RPS6KA2: variants seen among roughly 807,000 people sequenced by gnomAD.
The protein encoded by RPS6KA2 is ribosomal protein S6 kinase A2.
In RPS6KA2, 42 loss-of-function variants were observed where a neutral mutation model predicts 91.8. The ratio of observed to expected loss-of-function variants is 0.46; its 90% confidence interval spans 0.36 to 0.59. RPS6KA2 has a LOEUF of 0.59. Ranked by LOEUF, RPS6KA2 falls within the 20% of genes least tolerant of loss-of-function variation. The pLI is 0.00. For missense variants in RPS6KA2, 798 were observed against 978.5 expected (o/e 0.82, Z 2.46); for synonymous variants, 414 against 393.6 (o/e 1.05, Z -0.61).
intron 3 of RPS6KA2, among the ~76,000 whole-genome samples, chr6:166,523,272 T>C (rs1327379472): frequency 6.6e-6 from 1 of 152,218 alleles, no homozygotes; most frequent in Non-Finnish European, 1.5e-5. Flanking sequence ...AAAGATGGCT[T>C]AAGGAGGAGA....
intron 2 of RPS6KA2, among the ~76,000 whole-genome samples, chr6:166,740,480 A>G (rs1790779387): frequency 3.9e-5 from 6 of 152,248 alleles, no homozygotes; most frequent in Admixed American, 3.9e-4. Context: ...TATTCCATAT[A>G]CAAAATCAAA....
intron 2 of RPS6KA2, among the ~76,000 whole-genome samples, chr6:166,667,926 C>T (rs1193083345): frequency 1.3e-5 from 2 of 152,202 alleles, no homozygotes; most frequent in East Asian, 3.9e-4. Context: ...GAGTTCCTGC[C>T]TGCGTCGTTG....
In RPS6KA2 at chr6:166,469,528, G is replaced by A. The variant is rs536023417; in HGVS notation, c.972+313C>T. 3.7e-4 allele frequency among the ~76,000 whole-genome samples: 57 copies of A among 152,188 alleles called. No individual in the cohort carries two copies. The East Asian group carries it at 4.3e-3, about 11-fold the overall frequency. On this transcript the variant is annotated intron_variant, in intron 11 of 20. Coordinates refer to ENST00000265678, the MANE Select transcript of RPS6KA2 (RefSeq NM_021135.6). ...GAGCAATCGGGAATATGCAGGGCTCGGAGAGGCCGGGGAGTGGGTGCAGGG... is the reference window on the plus strand; with the variant it reads ...GAGCAATCGGGAATATGCAGGGCTCAGAGAGGCCGGGGAGTGGGTGCAGGG...
chr6:166,610,335 G>A (rs1378841799), intron 1 of RPS6KA2, among the ~76,000 whole-genome samples: 1 of 152,146 alleles, frequency 6.6e-6, no homozygotes, highest in Non-Finnish European at 1.5e-5. Flanking sequence ...ACCAACATAG[G>A]CCTTGGCAGC....
chr6:166,436,315 G>GAAA (rs397827258), intron 14 of RPS6KA2, among the ~76,000 whole-genome samples: 8 of 73,844 alleles, frequency 1.1e-4, no homozygotes, highest in Non-Finnish European at 1.0e-4. Flanking sequence ...TAAAGCCCCA[G>GAAA]AAAAAAAAAA....
chr6:166,623,386 C>G (rs1786716825), intron 1 of RPS6KA2, among the ~76,000 whole-genome samples: 2 of 152,188 alleles, frequency 1.3e-5, no homozygotes, highest in African/African-American at 4.8e-5. Context: ...GGAGAAGATT[C>G]CTTTCAGCTC....
upstream of RPS6KA2, among the ~76,000 whole-genome samples, chr6:166,632,228 A>ATG (rs1787100882): frequency 6.6e-6 from 1 of 152,162 alleles, no homozygotes; most frequent in Non-Finnish European, 1.5e-5. Context: ...GCAGGTAGCT[A>ATG]TGTGAGATGA....
intron 2 of RPS6KA2, among the ~76,000 whole-genome samples, chr6:166,774,717 T>A (rs1196511021): frequency 4.6e-5 from 7 of 152,162 alleles, no homozygotes; most frequent in Non-Finnish European, 7.3e-5. Context: ...CTGGCCCATA[T>A]TGGGCTCCCA....
rs1036001602 is a variant in RPS6KA2, at chr6:166,603,346, A to T, written c.99+23575T>A. On this transcript the variant is annotated intron_variant, in intron 1 of 20. Coordinates refer to ENST00000265678, the MANE Select transcript of RPS6KA2 (RefSeq NM_021135.6). The surrounding 1 kb of genome is among the most constrained non-coding windows in gnomAD (Gnocchi z 4.3). ...AGATCGTGCTGCTTAGCATAATTAA[A>T]CCAGGAACTCAGCGCAGCCTCAGAG... Among the ~76,000 whole-genome samples, 8 of 152,248 alleles carry T rather than the reference A, an allele frequency of 5.3e-5. No homozygotes were observed. The highest frequency in any genetic ancestry group is 1.2e-4 in the African/African-American group (5 of 41,524).
intron 2 of RPS6KA2, among the ~76,000 whole-genome samples, chr6:166,713,076 G>C (rs1049799772): frequency 1.3e-5 from 2 of 152,206 alleles, no homozygotes; most frequent in African/African-American, 4.8e-5. Context: ...CCTTCCCCAT[G>C]CTTCTTCCCA....
At chr6:166,716,035 CAAAAAAAAAAAAA>C (rs141709524) in intron 2 of RPS6KA2, among the ~76,000 whole-genome samples, 6 of 89,778 alleles carry the variant, frequency 6.7e-5, no homozygotes, top group African/African-American at 2.1e-4. Context: ...GAGACTCCAT[CAAAAAAAAAAAAA>C]AAAAAAAAAA....
rs761753590 is a variant in RPS6KA2 at position 166,472,789 on chromosome 6, G to A, written c.908-2884C>T. Among the ~76,000 whole-genome samples the A allele has an allele frequency of 1.5e-4, 23 of 152,198 alleles. 1 individual carries two copies. The highest frequency in any genetic ancestry group is 3.1e-4 in the Non-Finnish European group (21 of 68,046). ...AATCACGGCTGGCTCGCTACGGGAT[G>A]CGGATGACACGCACTGAAGGCCTTC... On this transcript the variant is annotated intron_variant, in intron 10 of 20. Coordinates refer to ENST00000265678, the MANE Select transcript of RPS6KA2 (RefSeq NM_021135.6).
rs751608329 is a variant in RPS6KA2 at position 166,494,946 on chromosome 6, A to G, written c.747+3562T>C. On this transcript the variant is annotated intron_variant, in intron 8 of 20. Coordinates refer to ENST00000265678, the MANE Select transcript of RPS6KA2 (RefSeq NM_021135.6). This position sits in a 1 kb window ranked among gnomAD's most constrained non-coding sequence, Gnocchi z 5.1. ...AAGGCTTGGGTAAGATACGACTTCA[A>G]AGGTCACCCGAGGCCCATCTCTTAG... Among the ~76,000 whole-genome samples, 9 of 152,152 alleles carry G rather than the reference A, an allele frequency of 5.9e-5. No individual in the cohort carries two copies. Among genetic ancestry groups the G allele is most frequent in the South Asian group, 4.1e-4 (2 of 4,830 alleles).
intron 13 of RPS6KA2, among the ~76,000 whole-genome samples, chr6:166,450,692 GACC>G (rs1779878694): frequency 6.9e-6 from 1 of 145,978 alleles, no homozygotes; most frequent in African/African-American, 2.6e-5. Context: ...CCACCACAGG[GACC>G]ACCACAAGGG....
At chr6:166,487,741 A>T (rs554032930) in intron 10 of RPS6KA2, among the ~76,000 whole-genome samples, 3 of 152,380 alleles carry the variant, frequency 2.0e-5, no homozygotes, top group East Asian at 3.9e-4. Context: ...TCTCATGGGG[A>T]TTAGTACTCA....
At position 166,733,642 on chromosome 6, in the gene RPS6KA2, G is replaced by A. The variant is rs917745040; in HGVS notation, c.123+124558C>T. Among the ~76,000 whole-genome samples, 8 of 152,096 alleles carry A rather than the reference G, an allele frequency of 5.3e-5. No homozygotes were observed. Among genetic ancestry groups the A allele is most frequent in the South Asian group, 2.1e-4 (1 of 4,822 alleles). Reference sequence around the variant, plus strand: ...CTTTAGGAAAAAGGTTTGGTAACACGGAGGTCACTAGCATCCCTCGTGGAC... The same window carrying A: ...CTTTAGGAAAAAGGTTTGGTAACACAGAGGTCACTAGCATCCCTCGTGGAC... On this transcript the variant is annotated intron_variant, in intron 2 of 21. Coordinates refer to the RPS6KA2 transcript ENST00000503859. This position sits in a 1 kb window ranked among gnomAD's most constrained non-coding sequence, Gnocchi z 4.1.
At chr6:166,833,521 G>T (rs1314458931) in intron 2 of RPS6KA2, among the ~76,000 whole-genome samples, 2 of 152,166 alleles carry the variant, frequency 1.3e-5, no homozygotes, top group Non-Finnish European at 1.5e-5. Flanking sequence ...ACATCTCCCT[G>T]CCCTAAACGC....
intron 10 of RPS6KA2, among the ~76,000 whole-genome samples, chr6:166,483,124 T>C (rs1468940835): frequency 1.3e-5 from 2 of 152,174 alleles, no homozygotes; most frequent in Non-Finnish European, 2.9e-5. Flanking sequence ...TTATAGGACA[T>C]GTTTGTGCCA....
intron 10 of RPS6KA2, among the ~76,000 whole-genome samples, chr6:166,473,825 C>T (rs1456651647): frequency 6.6e-6 from 1 of 152,156 alleles, no homozygotes; most frequent in Non-Finnish European, 1.5e-5. Flanking sequence ...CTAACCAGCC[C>T]ACCATGTCCA....
Sources: allele counts gnomAD v4.1 joint callset (sites outside exome capture counted in the v4.1 genomes callset), GRCh38; gene constraint gnomAD v4.1.1; non-coding constraint Gnocchi (gnomAD v3.1); transcripts MANE v1.5; gene names NCBI Gene and HGNC (gene_info 2026-07-23, HGNC 2026-07-21).